The following CLVS1 variants were observed in gnomAD, a reference collection of about 807,000 sequenced individuals.
CLVS1 encodes the protein clavesin 1.
In CLVS1, 10 loss-of-function variants were observed where a neutral mutation model predicts 33.1. The ratio of observed to expected loss-of-function variants is 0.30; its 90% CI spans 0.19 to 0.51. The LOEUF is 0.51. CLVS1 is among the 20% of genes least tolerant of loss of function. CLVS1 has a pLI of 0.97. For synonymous variants in CLVS1, 163 were observed against 166.1 expected (o/e 0.98, Z 0.14); for missense variants, 343 against 433.4 (o/e 0.79, Z 1.85).
At chr8:61,498,365 A>C (rs1804341491) in intron 5 of CLVS1, among the ~76,000 whole-genome samples, 1 of 152,214 alleles carries the variant, frequency 6.6e-6, no homozygotes, top group African/African-American at 2.4e-5. Context: ...CAGTCTTGAA[A>C]ACTTGTAATG....
At chr8:60,970,593 G>T in the CLVS1 span, among the ~76,000 whole-genome samples, 1 of 152,208 alleles carries the variant, frequency 6.6e-6, no homozygotes, top group South Asian at 2.1e-4. Flanking sequence ...AATTTGGAAG[G>T]CATTGCACCC....
intron 1 of CLVS1, among the ~76,000 whole-genome samples, chr8:61,108,983 G>C (rs954091379): frequency 5.9e-5 from 9 of 152,360 alleles, no homozygotes; most frequent in Admixed American, 5.2e-4. Context: ...TGGAGGGAAA[G>C]GGGTGAGGAG....
At chr8:61,338,881 C>T (rs1811904946) in intron 2 of CLVS1, among the ~76,000 whole-genome samples, 1 of 152,144 alleles carries the variant, frequency 6.6e-6, no homozygotes, top group South Asian at 2.1e-4. Context: ...GGAGCTCAGG[C>T]CCAGTGGCAA....
intron 3 of CLVS1, among the ~76,000 whole-genome samples, chr8:61,441,685 G>C (rs1022407735): frequency 5.9e-5 from 9 of 152,292 alleles, no homozygotes; most frequent in African/African-American, 2.2e-4. Flanking sequence ...ATCTGTATCT[G>C]ATTGTTGAAG....
At chr8:61,320,311 T>C (rs997788729) in intron 2 of CLVS1, among the ~76,000 whole-genome samples, 4 of 152,168 alleles carry the variant, frequency 2.6e-5, no homozygotes, top group Non-Finnish European at 4.4e-5. Context: ...TTTTTGTTTG[T>C]TCATTTTTGC....
intron 2 of CLVS1, among the ~76,000 whole-genome samples, chr8:61,189,303 C>T (rs1807410793): frequency 6.6e-6 from 1 of 152,096 alleles, no homozygotes; most frequent in Non-Finnish European, 1.5e-5. Context: ...AAATAAAATC[C>T]TTTACAGACA....
intron 5 of CLVS1, among the ~76,000 whole-genome samples, chr8:61,466,142 A>G (rs745998019): frequency 2.0e-5 from 3 of 152,260 alleles, no homozygotes; most frequent in Non-Finnish European, 2.9e-5. Flanking sequence ...TCCAACAAAG[A>G]ATAGTAAATA....
chr8:61,422,384 A>G (rs1322237121), intron 3 of CLVS1, among the ~76,000 whole-genome samples: 2 of 152,228 alleles, frequency 1.3e-5, no homozygotes, highest in Non-Finnish European at 2.9e-5. Flanking sequence ...TGATGTCTCC[A>G]TCATGGGGAA....
chr8:61,395,970 A>G (rs899990452), intron 3 of CLVS1, among the ~76,000 whole-genome samples: 1 of 152,188 alleles, frequency 6.6e-6, no homozygotes. Context: ...ATATTTTCCC[A>G]CACTTGTCAG....
intron 2 of CLVS1, among the ~76,000 whole-genome samples, chr8:61,280,196 T>G (rs1340294686): frequency 6.6e-6 from 1 of 152,244 alleles, no homozygotes; most frequent in African/African-American, 2.4e-5. Flanking sequence ...GCTGAATCCA[T>G]TAAAAATCAG....
At chr8:61,303,490 A>G (rs1810508629) in intron 2 of CLVS1, among the ~76,000 whole-genome samples, 1 of 152,198 alleles carries the variant, frequency 6.6e-6, no homozygotes, top group South Asian at 2.1e-4. Context: ...AATTCACTTT[A>G]TGGTCTCCTA....
chr8:61,297,295 C>T (rs549688669), intron 1 of CLVS1, among the ~76,000 whole-genome samples: 11 of 152,198 alleles, frequency 7.2e-5, no homozygotes, highest in East Asian at 3.9e-4. Context: ...ATGCAGAGAA[C>T]GGACTGGCAG....
At chr8:61,277,416 G>C (rs1286323279) in intron 2 of CLVS1, among the ~76,000 whole-genome samples, 1 of 152,204 alleles carries the variant, frequency 6.6e-6, no homozygotes, top group Admixed American at 6.5e-5. Flanking sequence ...GGTCAGGTCA[G>C]ATGAGCTTTG....
intron 2 of CLVS1, among the ~76,000 whole-genome samples, chr8:61,216,718 C>T (rs1206780111): frequency 6.6e-6 from 1 of 152,202 alleles, no homozygotes; most frequent in Non-Finnish European, 1.5e-5. Flanking sequence ...GGCCCCTCAA[C>T]CTGTGCAAAG....
At chr8:61,088,422 G>A (rs938749185) in intron 1 of CLVS1, among the ~76,000 whole-genome samples, 6 of 146,268 alleles carry the variant, frequency 4.1e-5, no homozygotes, top group Non-Finnish European at 7.4e-5. Context: ...CCTGGGAGGC[G>A]GAGGTTGAAG....
At chr8:61,412,015 G>A (rs1005923103) in intron 3 of CLVS1, among the ~76,000 whole-genome samples, 3 of 152,196 alleles carry the variant, frequency 2.0e-5, no homozygotes, top group African/African-American at 7.2e-5. Flanking sequence ...AGCCTTCACT[G>A]AGACAGGGTG....
At chr8:61,441,732 C>G (rs928234929) in intron 3 of CLVS1, among the ~76,000 whole-genome samples, 1 of 152,112 alleles carries the variant, frequency 6.6e-6, no homozygotes, top group Admixed American at 6.6e-5. Flanking sequence ...TTATGTTGCT[C>G]CTGAACTCTG....
intron 3 of CLVS1, among the ~76,000 whole-genome samples, chr8:61,382,525 T>G (rs1366191012): frequency 6.6e-6 from 1 of 152,176 alleles, no homozygotes; most frequent in Non-Finnish European, 1.5e-5. Flanking sequence ...ACATACTGAA[T>G]CAGAGCTGTA....
At chr8:61,193,036 T>C (rs1807526650) in intron 2 of CLVS1, among the ~76,000 whole-genome samples, 1 of 152,144 alleles carries the variant, frequency 6.6e-6, no homozygotes, top group South Asian at 2.1e-4. Flanking sequence ...ACCCGAAGGA[T>C]TATAAATCAT....
Sources: allele counts gnomAD v4.1 joint callset (sites outside exome capture counted in the v4.1 genomes callset), GRCh38; gene constraint gnomAD v4.1.1; transcripts MANE v1.5; gene names NCBI Gene and HGNC (gene_info 2026-07-23, HGNC 2026-07-21).